ABCG8: variants seen among roughly 807,000 people sequenced by gnomAD.
ABCG8 encodes ATP-binding cassette sub-family G member 8.
ABCG8 carries 81 observed loss-of-function variants against 71.3 expected under a neutral mutation model. That is an observed-to-expected ratio of 1.14 (90% CI 0.95 to 1.37). The LOEUF (loss-of-function observed/expected upper bound fraction) is 1.37, where lower values mean the gene tolerates loss of function less well. Ranked by LOEUF, ABCG8 falls within the 40% of genes most tolerant of loss-of-function variation. The probability of loss-of-function intolerance (pLI) is 0.00; values close to 1 mark genes in which losing one functional copy is unlikely to be tolerated. For missense variants in ABCG8, 1,119 were observed against 866.2 expected (o/e 1.29, Z -3.66); for synonymous variants, 451 against 354.7 (o/e 1.27, Z -3.05).
rs886056033 is a variant in ABCG8, at chr2:43,872,298, G to A, written c.1203G>A (p.Thr401=). ...CTGGGGCGGTGCAGCAGTTTACGAC[G>A]CTGATCCGGTAATTATCTGTCATTT... is the stretch of plus-strand genomic sequence containing the variant. The part of the protein sequence containing the change: ...KMPGAVQQFT[T]LIRRQISNDF... The change falls in exon 8 of 13, where the codon ACG becomes ACA. Residue 401 remains threonine (T), a synonymous_variant. Transcript: ENST00000272286. 2.5e-6 allele frequency: 4 copies of A among 1,613,626 alleles called. No individual in the cohort carries two copies. Among genetic ancestry groups the A allele is most frequent in the Non-Finnish European group, 3.4e-6 (4 of 1,179,934 alleles).
intron 6 of ABCG8, among the ~76,000 whole-genome samples, chr2:43,857,902 A>G (rs376618712): frequency 1.3e-5 from 2 of 151,560 alleles, no homozygotes; most frequent in Middle Eastern, 3.2e-3. Context: ...CTTACTATCA[A>G]TCTGGATATA....
At chr2:43,860,052 A>T (rs1445811292) in intron 6 of ABCG8, among the ~76,000 whole-genome samples, 4 of 150,892 alleles carry the variant, frequency 2.7e-5, no homozygotes, top group African/African-American at 7.3e-5. Context: ...TAGAACTCTC[A>T]CTATCTATCT....
At chr2:43,863,200 T>C (rs1236751501) in intron 6 of ABCG8, among the ~76,000 whole-genome samples, 1 of 151,312 alleles carries the variant, frequency 6.6e-6, no homozygotes, top group Non-Finnish European at 1.5e-5. Context: ...CCTATCTGGA[T>C]ATAATTCTCA....
intron 3 of ABCG8, 53 bp from the exon 4 acceptor site, chr2:43,851,531 G>C (rs1668913776): frequency 6.3e-7 from 1 of 1,597,486 alleles, no homozygotes; most frequent in East Asian, 2.2e-5. Flanking sequence ...GTGGCTGACA[G>C]CCTGGCCCCC....
intron 6 of ABCG8, 91 bp downstream of exon 6, chr2:43,852,959 G>A (rs1227035859): frequency 1.3e-6 from 2 of 1,520,370 alleles, no homozygotes; most frequent in African/African-American, 2.8e-5. Flanking sequence ...AGATTCAGGG[G>A]AGAAACTCCC....
Position 43,880,861 on chromosome 2 carries a change from C to G in ABCG8, c.*2948C>G, listed in dbSNP as rs1221853899. 1 of 152,192 alleles carries G rather than the reference C, an allele frequency of 6.6e-6. No individual in the cohort carries two copies. The highest frequency in any genetic ancestry group is 1.5e-5 in the Non-Finnish European group (1 of 68,032). The allele number at this position is 152,192 out of a possible 1,614,324, so 9.4% of individuals were successfully genotyped here. ...CGCCTGCAGGTAAGTAATCTCCCAT[C>G]TACACTGCCACGCCTTCTCCTGTAT... is the stretch of plus-strand genomic sequence containing the variant. On this transcript the variant is annotated 3_prime_UTR_variant, in exon 13 of 13. Coordinates refer to ENST00000272286, the MANE Select transcript of ABCG8 (RefSeq NM_022437.3).
intron 6 of ABCG8, among the ~76,000 whole-genome samples, chr2:43,867,914 G>A (rs72798813): frequency 1.4e-5 from 2 of 139,230 alleles, no homozygotes; most frequent in Non-Finnish European, 3.1e-5. Context: ...ATTCTGACTC[G>A]CTGGATAAAA....
chr2:43,875,313 G>T lies in ABCG8; in HGVS notation c.1656G>T (p.Leu552=), dbSNP rs145341486. ...TTATGGCCCTGGCCGCCGCGGCCCTGCTCCCCACCTTCCACATGGCCTCCT... is the reference window on the plus strand; with the variant it reads ...TTATGGCCCTGGCCGCCGCGGCCCTTCTCCCCACCTTCCACATGGCCTCCT... ...CRIMALAAAA[L]LPTFHMASFF... The change falls in exon 11 of 13, where the codon CTG becomes CTT. Residue 552 remains leucine, a synonymous_variant. Transcript: ENST00000272286. 6 of 1,613,996 alleles carry T rather than the reference G, an allele frequency of 3.7e-6. No homozygotes were observed. The African/African-American group carries it at 8.0e-5, about 22-fold the overall frequency.
In ABCG8 at chr2:43,879,494, C is replaced by G. The variant is rs1572873419; in HGVS notation, c.*1581C>G. ...CGTCTTAAGAAGACCCCCTGGTGATCTGTGCACATTCAAGCATGCTGCCGT... is the reference window on the plus strand; with the variant it reads ...CGTCTTAAGAAGACCCCCTGGTGATGTGTGCACATTCAAGCATGCTGCCGT... On this transcript the variant is annotated 3_prime_UTR_variant, in exon 13 of 13. Coordinates refer to ENST00000272286, the MANE Select transcript of ABCG8 (RefSeq NM_022437.3). 1 of 152,204 alleles carries G rather than the reference C, an allele frequency of 6.6e-6. No homozygotes were observed. The highest frequency in any genetic ancestry group is 1.9e-4 in the East Asian group (1 of 5,192). 9.4% of individuals were successfully genotyped at this position (152,204 alleles called of 1,614,324 possible). A position where few individuals can be genotyped will look rare whatever the true frequency, so the allele number is the denominator to read the frequency against.
intron 6 of ABCG8, among the ~76,000 whole-genome samples, chr2:43,864,408 A>G (rs1015088241): frequency 6.6e-6 from 1 of 151,732 alleles, no homozygotes; most frequent in Admixed American, 6.6e-5. Context: ...CACTATCTGG[A>G]TAGAATTCTC....
At chr2:43,844,393 G>C (rs1361962849) in intron 1 of ABCG8, 114 bp from the exon 2 acceptor site, 3 of 823,844 alleles carry the variant, frequency 3.6e-6, no homozygotes, top group South Asian at 1.4e-5. Context: ...GCCAATTTGA[G>C]ATTTAACCAC....
intron 6 of ABCG8, among the ~76,000 whole-genome samples, chr2:43,858,234 C>T (rs970865627): frequency 1.3e-5 from 2 of 151,842 alleles, no homozygotes; most frequent in Admixed American, 6.6e-5. Context: ...AGAACTCTCA[C>T]TATCTGTCTG....
chr2:43,855,160 C>G (rs1156394228), intron 6 of ABCG8, among the ~76,000 whole-genome samples: 1 of 152,128 alleles, frequency 6.6e-6, no homozygotes, highest in African/African-American at 2.4e-5. Flanking sequence ...CTGGATAGAA[C>G]TCTCAATATC....
intron 11 of ABCG8, among the ~76,000 whole-genome samples, chr2:43,876,161 A>G (rs1277698791): frequency 6.6e-6 from 1 of 152,188 alleles, no homozygotes; most frequent in Non-Finnish European, 1.5e-5. Flanking sequence ...GAGCACGTGC[A>G]GGGATGCCTC....
chr2:43,839,333 C>T (rs971394549), intron 1 of ABCG8, among the ~76,000 whole-genome samples: 2 of 149,426 alleles, frequency 1.3e-5, no homozygotes, highest in East Asian at 3.9e-4. Context: ...CTAAGAAATG[C>T]TCTTTTAGGG....
In ABCG8 at chr2:43,880,304, G is replaced by A. The variant is rs1349296827; in HGVS notation, c.*2391G>A. On this transcript the variant is annotated 3_prime_UTR_variant, in exon 13 of 13. Transcript: ENST00000272286. Reference sequence around the variant, plus strand: ...TTGCCTTGCCTCAGCCTCCCAAGTAGTTGGGATTAACAGTGCCCACCACCA... The same window carrying A: ...TTGCCTTGCCTCAGCCTCCCAAGTAATTGGGATTAACAGTGCCCACCACCA... 1 of 151,066 alleles carries A rather than the reference G, an allele frequency of 6.6e-6. No individual in the cohort carries two copies. The highest frequency in any genetic ancestry group is 1.5e-5 in the Non-Finnish European group (1 of 67,972). The allele number at this position is 151,066 out of a possible 1,614,324, so 9.4% of individuals were successfully genotyped here. A position where few individuals can be genotyped will look rare whatever the true frequency, so the allele number is the denominator to read the frequency against.
intron 6 of ABCG8, among the ~76,000 whole-genome samples, chr2:43,863,213 CTCTGGATAGCACTCACTA>C (rs1383820624): frequency 6.6e-6 from 1 of 151,168 alleles, no homozygotes; most frequent in Non-Finnish European, 1.5e-5. Context: ...AATTCTCACT[CTCTGGATAGCACTCACTA>C]TCTGGATAGA....
At chr2:43,867,104 C>A (rs1171713638) in intron 6 of ABCG8, among the ~76,000 whole-genome samples, 6 of 150,384 alleles carry the variant, frequency 4.0e-5, no homozygotes, top group Non-Finnish European at 8.8e-5. Context: ...GAACAAAAAA[C>A]CAAACACCGC....
chr2:43,841,485 T>A (rs1424329334), intron 1 of ABCG8, among the ~76,000 whole-genome samples: 3 of 152,110 alleles, frequency 2.0e-5, no homozygotes, highest in African/African-American at 7.2e-5. Flanking sequence ...GTCTAACAAA[T>A]CCTTCCTGGG....
Sources: gnomAD v4.1 joint callset for allele counts (sites outside exome capture counted in the v4.1 genomes callset) on GRCh38, gnomAD v4.1.1 for gene constraint, MANE v1.5 for transcripts, NCBI Gene and HGNC (gene_info 2026-07-23, HGNC 2026-07-21) for gene names.